The following CR1L variants were observed in gnomAD, a reference collection of about 807,000 sequenced individuals.
CR1L encodes the protein complement component receptor 1-like protein.
Under a neutral mutation model 62.3 loss-of-function variants are expected in CR1L, and 59 were observed. The observed-to-expected ratio is 0.95, with a 90% CI of 0.77 to 1.18. The LOEUF (loss-of-function observed/expected upper bound fraction) is 1.18. CR1L is among the 50% of genes most tolerant of loss of function. CR1L has a pLI of 0.00. For missense variants in CR1L, 700 were observed against 702.8 expected, an observed-to-expected ratio of 1.00 and a Z score of 0.04; for synonymous variants, 279 against 248.7, an observed-to-expected ratio of 1.12 and a Z score of -1.15.
intron 10 of CR1L, among the ~76,000 whole-genome samples, chr1:207,708,655 TCTTC>T (rs1664307608): frequency 6.6e-6 from 1 of 152,248 alleles, no homozygotes. Flanking sequence ...TGCAGCTCTT[TCTTC>T]CTTCTTATTC....
chr1:207,665,148 G>T (rs1354888151), intron 1 of CR1L, among the ~76,000 whole-genome samples: 1 of 152,078 alleles, frequency 6.6e-6, no homozygotes, highest in Non-Finnish European at 1.5e-5. Context: ...CTGCCTCCCG[G>T]GTTCCCGCCA....
intron 1 of CR1L, among the ~76,000 whole-genome samples, 195 bp from the exon 2 acceptor site, chr1:207,677,194 C>T (rs11118328): frequency 0.86 from 130,201 of 151,152 alleles, 56,522 homozygotes; most frequent in East Asian, 0.97. Flanking sequence ...TGATGGCAGG[C>T]GCCTGTAATC....
chr1:207,658,279 A>G (rs376816209), intron 1 of CR1L, among the ~76,000 whole-genome samples: 5 of 148,336 alleles, frequency 3.4e-5, no homozygotes, highest in African/African-American at 1.3e-4. Context: ...TGATAAAGAT[A>G]GAGCCAAAAT....
At chr1:207,665,434 T>C (rs1407226169) in intron 1 of CR1L, among the ~76,000 whole-genome samples, 1 of 151,526 alleles carries the variant, frequency 6.6e-6, no homozygotes, top group Non-Finnish European at 1.5e-5. Flanking sequence ...CCTTGCTCTG[T>C]CACCCAGGCT....
intron 1 of CR1L, among the ~76,000 whole-genome samples, chr1:207,671,094 T>C (rs1328243918): frequency 6.6e-6 from 1 of 151,086 alleles, no homozygotes; most frequent in Non-Finnish European, 1.5e-5. Flanking sequence ...CAACTGGGGC[T>C]GTGGACCCAG....
Position 207,694,377 on chromosome 1 carries a change from C to A in CR1L, c.488C>A (p.Thr163Asn), listed in dbSNP as rs780558260. 3 of 1,613,998 alleles carry A rather than the reference C, an allele frequency of 1.9e-6. No individual in the cohort carries two copies. The South Asian group carries it at 3.3e-5, about 18-fold the overall frequency. ...CDRIICGLPP[T>N]IANGDFTSIS... ...GGAATTATTTGTGGGCTACCCCCCA[C>A]CATCGCCAATGGAGATTTCACTAGC... Residue 163 changes from threonine (T) to asparagine (N), a missense_variant, in exon 5 of 12, where the codon ACC becomes AAC. By Grantham distance (65) the Thr-to-Asn change is moderately conservative. Transcript: ENST00000508064.
intron 8 of CR1L, among the ~76,000 whole-genome samples, chr1:207,700,831 G>T (rs11583383): frequency 0.038 from 5,851 of 152,274 alleles, 179 homozygotes; most frequent in South Asian, 0.12. Context: ...AATTAAGAAA[G>T]ATTGACTAAA....
intron 4 of CR1L, among the ~76,000 whole-genome samples, chr1:207,686,122 C>A (rs12744494): frequency 5.7e-5 from 1 of 17,634 alleles, no homozygotes; most frequent in Non-Finnish European, 8.8e-5. Flanking sequence ...CTCCCTCCCT[C>A]CCTTCCTCCC....
intron 1 of CR1L, among the ~76,000 whole-genome samples, chr1:207,676,084 C>G (rs1663687371): frequency 6.6e-6 from 1 of 152,060 alleles, no homozygotes. Context: ...TCATACTTTA[C>G]AAGAAAGTAT....
intron 1 of CR1L, among the ~76,000 whole-genome samples, chr1:207,673,364 G>A (rs1422576732): frequency 1.3e-5 from 2 of 152,174 alleles, no homozygotes; most frequent in Non-Finnish European, 2.9e-5. Context: ...TTTTGAAAGT[G>A]CATGCTCTTT....
intron 4 of CR1L, among the ~76,000 whole-genome samples, chr1:207,688,570 A>G (rs948503491): frequency 2.0e-5 from 3 of 152,200 alleles, no homozygotes; most frequent in Non-Finnish European, 2.9e-5. Flanking sequence ...GGCACTTTGC[A>G]TTACCATATA....
At chr1:207,682,314 A>C (rs1663812322) in intron 3 of CR1L, among the ~76,000 whole-genome samples, 1 of 152,116 alleles carries the variant, frequency 6.6e-6, no homozygotes, top group African/African-American at 2.4e-5. Context: ...TTTACTAAAA[A>C]TACAAAAATT....
chr1:207,665,378 G>A (rs1333072938), intron 1 of CR1L, among the ~76,000 whole-genome samples: 2 of 148,590 alleles, frequency 1.3e-5, no homozygotes, highest in Non-Finnish European at 3.0e-5. Context: ...TTACATACTT[G>A]TGCAAATATA....
intron 11 of CR1L, among the ~76,000 whole-genome samples, chr1:207,720,865 A>T (rs986101213): frequency 2.6e-5 from 4 of 152,112 alleles, no homozygotes; most frequent in African/African-American, 9.7e-5. Context: ...CATTTCCATT[A>T]CCCAGTGTCC....
chr1:207,700,154 A>G (rs1347174522), intron 8 of CR1L, among the ~76,000 whole-genome samples: 1 of 152,216 alleles, frequency 6.6e-6, no homozygotes, highest in Admixed American at 6.5e-5. Flanking sequence ...TAATGATTGG[A>G]AAACATGTTT....
At chr1:207,668,099 A>G (rs769994712) in intron 1 of CR1L, among the ~76,000 whole-genome samples, 3 of 151,128 alleles carry the variant, frequency 2.0e-5, no homozygotes, top group Non-Finnish European at 4.4e-5. Flanking sequence ...CATTATGGGA[A>G]ATAGTATGGA....
chr1:207,693,205 C>T (rs1056082677), intron 4 of CR1L, among the ~76,000 whole-genome samples: 1 of 152,160 alleles, frequency 6.6e-6, no homozygotes, highest in African/African-American at 2.4e-5. Flanking sequence ...GCAATCTCCA[C>T]CTCCCAGATT....
chr1:207,645,216 G>A lies in CR1L; in HGVS notation c.-18G>A, dbSNP rs1663097369. On this transcript the variant is annotated 5_prime_UTR_variant, in exon 1 of 12. Transcript: ENST00000508064. ...TCTGCTCACCTCCGGATAAATCACG[G>A]GGTCTCCCGCGCCGCTCATGGCGCC... The A allele has an allele frequency of 1.9e-6, 3 of 1,611,906 alleles. No homozygotes were observed. Among genetic ancestry groups the A allele is most frequent in the Non-Finnish European group, 2.5e-6 (3 of 1,179,636 alleles).
chr1:207,657,793 C>T (rs1160363152), intron 1 of CR1L, among the ~76,000 whole-genome samples: 1 of 152,078 alleles, frequency 6.6e-6, no homozygotes, highest in Non-Finnish European at 1.5e-5. Flanking sequence ...AGGGGACTTG[C>T]CCGTTTAAAC....
Sources: allele counts gnomAD v4.1 joint callset (sites outside exome capture counted in the v4.1 genomes callset), GRCh38; gene constraint gnomAD v4.1.1; transcripts MANE v1.5; gene names NCBI Gene and HGNC (gene_info 2026-07-23, HGNC 2026-07-21).